Variants in HCK observed in about 807,000 individuals in gnomAD.
HCK encodes tyrosine-protein kinase HCK.
HCK carries 40 observed loss-of-function variants against 70.4 expected under a neutral mutation model. The ratio of observed to expected loss-of-function variants is 0.57; its 90% CI spans 0.44 to 0.74. The LOEUF (loss-of-function observed/expected upper bound fraction) is 0.74, where lower values mean the gene tolerates loss of function less well. Ranked by LOEUF, HCK falls within the 30% of genes least tolerant of loss-of-function variation. HCK has a pLI of 0.00. For synonymous variants in HCK, 245 were observed against 263.2 expected (o/e 0.93, Z 0.67); for missense variants, 568 against 697.2 (o/e 0.81, Z 2.09).
intron 9 of HCK, among the ~76,000 whole-genome samples, chr20:32,087,931 T>C (rs754616174): frequency 6.6e-6 from 1 of 152,162 alleles, no homozygotes; most frequent in South Asian, 2.1e-4. Flanking sequence ...CGTGAGCAAC[T>C]GCGCCCAGCT....
At chr20:32,075,400 T>C (rs1447307918) in intron 5 of HCK, among the ~76,000 whole-genome samples, 1 of 151,930 alleles carries the variant, frequency 6.6e-6, no homozygotes, top group Non-Finnish European at 1.5e-5. Context: ...AGGGGGTCTC[T>C]CTGTGTTGCC....
chr20:32,077,388 C>A (rs1338565365), intron 5 of HCK, among the ~76,000 whole-genome samples: 1 of 152,220 alleles, frequency 6.6e-6, no homozygotes, highest in Non-Finnish European at 1.5e-5. Context: ...CTCGTGAGTC[C>A]TCCCAGATGC....
chr20:32,090,710 C>A (rs2045853077), intron 10 of HCK, among the ~76,000 whole-genome samples: 1 of 152,160 alleles, frequency 6.6e-6, no homozygotes, highest in Non-Finnish European at 1.5e-5. Context: ...GTCATGAAAT[C>A]TCACCGCCTT....
intron 10 of HCK, among the ~76,000 whole-genome samples, chr20:32,092,470 CTG>C (rs984352356): frequency 1.3e-5 from 2 of 152,196 alleles, no homozygotes; most frequent in African/African-American, 4.8e-5. Context: ...GATATAATCC[CTG>C]TGTTTTCATC....
chr20:32,083,548 T>C (rs2045736105), intron 6 of HCK, among the ~76,000 whole-genome samples: 2 of 152,238 alleles, frequency 1.3e-5, no homozygotes, highest in South Asian at 4.1e-4. Flanking sequence ...ATAGCCAACA[T>C]TTGCAGAGTG....
At chr20:32,062,583 A>G (rs908850174) in intron 1 of HCK, among the ~76,000 whole-genome samples, 1 of 152,314 alleles carries the variant, frequency 6.6e-6, no homozygotes, top group Non-Finnish European at 1.5e-5. Context: ...CGTGTGAGCC[A>G]GGGCCCACGC....
chr20:32,082,251 A>T (rs1416069731), intron 6 of HCK, among the ~76,000 whole-genome samples: 1 of 152,160 alleles, frequency 6.6e-6, no homozygotes, highest in East Asian at 1.9e-4. Flanking sequence ...TATAGTTATA[A>T]TTCATTATAA....
intron 12 of HCK, 113 bp from the exon 13 acceptor site, chr20:32,101,204 A>T: frequency 2.3e-6 from 2 of 859,184 alleles, no homozygotes; most frequent in Non-Finnish European, 3.7e-6. Context: ...GAAGGGGCTC[A>T]GCTTGCAAGG....
chr20:32,084,513 G>C lies in HCK; in HGVS notation c.805G>C (p.Gly269Arg), dbSNP rs1404268172. The change falls in exon 8 of 13, where the codon GGA (glycine) becomes CGA (arginine). Residue 269 changes from glycine (G) to arginine (R), a missense_variant. Coordinates refer to ENST00000375852, the MANE Select transcript of HCK (RefSeq NM_002110.5). ...ATCCCTCAAGCTGGAGAAGAAACTT[G>C]GAGCTGGGCAGTTTGGGGAAGTCTG... 1.2e-6 allele frequency: 2 copies of C among 1,613,998 alleles called. No homozygotes were observed. Among genetic ancestry groups the C allele is most frequent in the Non-Finnish European group, 1.7e-6 (2 of 1,180,016 alleles).
chr20:32,060,642 T>C (rs1370053114), intron 1 of HCK, among the ~76,000 whole-genome samples: 1 of 152,262 alleles, frequency 6.6e-6, no homozygotes, highest in Non-Finnish European at 1.5e-5. Flanking sequence ...AGATGGATAA[T>C]AAACAAATCA....
intron 1 of HCK, among the ~76,000 whole-genome samples, chr20:32,061,945 T>A (rs1441045555): frequency 6.7e-6 from 1 of 148,538 alleles, no homozygotes; most frequent in Non-Finnish European, 1.5e-5. Flanking sequence ...CCTTTTTTTT[T>A]TTTTTTTTTT....
chr20:32,069,077 A>G (rs2045501415), intron 1 of HCK, among the ~76,000 whole-genome samples: 1 of 152,210 alleles, frequency 6.6e-6, no homozygotes, highest in Non-Finnish European at 1.5e-5. Context: ...TGCTTGCTTC[A>G]TGATCCGGGG....
rs1003717050 is a variant in HCK at position 32,052,321 on chromosome 20, G to A, written c.-104G>A. 6.9e-5 allele frequency: 57 copies of A among 825,308 alleles called. No individual in the cohort carries two copies. The highest frequency in any genetic ancestry group is 9.2e-5 in the Non-Finnish European group (55 of 596,968). The allele number at this position is 825,308 out of a possible 1,614,324, so 51.1% of individuals were successfully genotyped here. A position where few individuals can be genotyped will look rare whatever the true frequency, so the allele number is the denominator to read the frequency against. ...AAGGGACTCAGACAGTGCAGGACGA[G>A]AAACGCCCGCGGCACCAAAGCCCCT... On this transcript the variant is annotated 5_prime_UTR_variant, in exon 1 of 13. Transcript: ENST00000375852.
intron 9 of HCK, among the ~76,000 whole-genome samples, chr20:32,087,134 G>A (rs2045799690): frequency 6.6e-6 from 1 of 152,142 alleles, no homozygotes; most frequent in African/African-American, 2.4e-5. Context: ...TGGGTGGTGG[G>A]GGTGCCACTC....
intron 5 of HCK, among the ~76,000 whole-genome samples, chr20:32,079,145 T>C (rs242602): frequency 0.46 from 70,213 of 152,068 alleles, 18,991 homozygotes; most frequent in African/African-American, 0.75. Context: ...TATCTCAATA[T>C]TCAGGAAGAA....
Position 32,073,732 on chromosome 20 carries a change from C to A in HCK, c.243C>A (p.Ile81=), listed in dbSNP as rs909585818. Residue 81 remains isoleucine, a synonymous_variant, in exon 4 of 13, where the codon ATC becomes ATA. Coordinates refer to ENST00000375852, the MANE Select transcript of HCK (RefSeq NM_002110.5). ...CCTTCCCAGCAGGCTCTGAGGACAT[C>A]ATCGTGGTTGCCCTGTATGATTACG... The A allele has an allele frequency of 3.9e-6, 6 of 1,557,596 alleles. No individual in the cohort carries two copies. Among genetic ancestry groups the A allele is most frequent in the Non-Finnish European group, 5.2e-6 (6 of 1,149,574 alleles).
intron 5 of HCK, among the ~76,000 whole-genome samples, chr20:32,077,516 T>C (rs1453288021): frequency 2.1e-5 from 1 of 47,278 alleles, no homozygotes; most frequent in Non-Finnish European, 3.5e-5. Flanking sequence ...TGTTCCTGTT[T>C]TGTTTTGTTT....
At chr20:32,067,102 G>C (rs1376440001) in intron 1 of HCK, among the ~76,000 whole-genome samples, 1 of 152,148 alleles carries the variant, frequency 6.6e-6, no homozygotes, top group Non-Finnish European at 1.5e-5. Context: ...TTAGAAGAGT[G>C]GTTTGATGTA....
At chr20:32,096,905 GTA>G (rs111353278) in intron 11 of HCK, among the ~76,000 whole-genome samples, 24 of 149,446 alleles carry the variant, frequency 1.6e-4, no homozygotes, top group Non-Finnish European at 2.1e-4. Context: ...GATTACAAGG[GTA>G]TATATATATA....
Sources: allele counts gnomAD v4.1 joint callset (sites outside exome capture counted in the v4.1 genomes callset), GRCh38; gene constraint gnomAD v4.1.1; transcripts MANE v1.5; gene names NCBI Gene and HGNC (gene_info 2026-07-23, HGNC 2026-07-21).